CCDC40: variants seen among roughly 807,000 people sequenced by gnomAD.
The protein encoded by CCDC40 is coiled-coil domain 40 molecular ruler complex subunit.
Under a neutral mutation model 124.5 loss-of-function variants are expected in CCDC40, and 104 were observed. The observed-to-expected ratio is 0.84, with a 90% CI of 0.71 to 0.98. CCDC40 has a LOEUF of 0.98. CCDC40 is among the 50% of genes least tolerant of loss of function. The probability of loss-of-function intolerance (pLI) is 0.00; values close to 1 mark genes in which losing one functional copy is unlikely to be tolerated. For missense variants in CCDC40, 1,463 were observed against 1,503.9 expected, an observed-to-expected ratio of 0.97 and a Z score of 0.45; for synonymous variants, 580 against 602.9, an observed-to-expected ratio of 0.96 and a Z score of 0.56.
intron 10 of CCDC40, among the ~76,000 whole-genome samples, chr17:80,078,872 G>T (rs867888997): frequency 4.6e-5 from 7 of 151,760 alleles, no homozygotes; most frequent in Admixed American, 6.6e-5. Context: ...GAGAATTGAG[G>T]CCTTAATAAT....
At chr17:80,084,224 C>G (rs898237619) in intron 12 of CCDC40, among the ~76,000 whole-genome samples, 1 of 152,170 alleles carries the variant, frequency 6.6e-6, no homozygotes, top group Non-Finnish European at 1.5e-5. Context: ...ACTGACAGTT[C>G]TGCATGGCTG....
In CCDC40 at chr17:80,100,055, C is replaced by A; in HGVS notation, c.*280C>A. On this transcript the variant is annotated 3_prime_UTR_variant, in exon 20 of 20. Transcript: ENST00000397545. ...CCCACACTCCCACACTGGGCTTACTCGTCCAGGTAACACTTTGGTTTGCAG... is the reference window on the plus strand; with the variant it reads ...CCCACACTCCCACACTGGGCTTACTAGTCCAGGTAACACTTTGGTTTGCAG... 1 of 477,758 alleles carries A rather than the reference C, an allele frequency of 2.1e-6. No individual in the cohort carries two copies. Among genetic ancestry groups the A allele is most frequent in the Non-Finnish European group, 3.8e-6 (1 of 260,388 alleles). The allele number at this position is 477,758 out of a possible 1,614,324, so 29.6% of individuals were successfully genotyped here. A position where few individuals can be genotyped will look rare whatever the true frequency, so the allele number is the denominator to read the frequency against.
At chr17:80,075,387 C>G (rs938522097) in intron 10 of CCDC40, among the ~76,000 whole-genome samples, 4 of 151,866 alleles carry the variant, frequency 2.6e-5, no homozygotes, top group African/African-American at 9.7e-5. Flanking sequence ...AAGCAATTCT[C>G]CTGCCTTAGT....
intron 10 of CCDC40, among the ~76,000 whole-genome samples, chr17:80,076,419 C>G (rs139304317): frequency 3.4e-3 from 511 of 152,018 alleles, no homozygotes; most frequent in African/African-American, 0.012. Context: ...ACAAAAAATA[C>G]AAAAATTAGC....
chr17:80,051,142 T>C (rs2037576996), intron 7 of CCDC40, among the ~76,000 whole-genome samples: 1 of 152,234 alleles, frequency 6.6e-6, no homozygotes, highest in African/African-American at 2.4e-5. Context: ...TTTCAGTCTT[T>C]ATGCTTTTTG....
chr17:80,074,297 T>C (rs1598523207), intron 10 of CCDC40, among the ~76,000 whole-genome samples: 1 of 152,006 alleles, frequency 6.6e-6, no homozygotes, highest in Admixed American at 6.6e-5. Context: ...GATCACGAGG[T>C]CAGGAGATCA....
intron 10 of CCDC40, among the ~76,000 whole-genome samples, chr17:80,070,082 C>G (rs1213429744): frequency 6.6e-6 from 1 of 152,248 alleles, no homozygotes. Flanking sequence ...AAAGGGGACA[C>G]TGTCCTTGCC....
At chr17:80,047,841 C>T (rs577794646) in intron 4 of CCDC40, among the ~76,000 whole-genome samples, 5 of 152,322 alleles carry the variant, frequency 3.3e-5, no homozygotes, top group Admixed American at 3.3e-4. Flanking sequence ...TGTCTTCTTA[C>T]GTAGTCCCAG....
intron 16 of CCDC40, 129 bp downstream of exon 16, chr17:80,088,231 T>G: frequency 1.4e-6 from 1 of 729,538 alleles, no homozygotes; most frequent in Non-Finnish European, 2.5e-6. Context: ...TTGGTCATTT[T>G]TTGTTGTTGT....
chr17:80,038,963 C>T (rs1291875307), intron 2 of CCDC40, among the ~76,000 whole-genome samples: 3 of 152,222 alleles, frequency 2.0e-5, no homozygotes, highest in African/African-American at 7.2e-5. Flanking sequence ...CTTCCTACCC[C>T]ATTCTACAGT....
intron 18 of CCDC40, 121 bp downstream of exon 18, chr17:80,095,572 T>G: frequency 1.1e-6 from 1 of 895,078 alleles, no homozygotes; most frequent in Non-Finnish European, 1.8e-6. Flanking sequence ...GGGGGCGTGC[T>G]CAGCACTGCT....
At position 80,100,377 on chromosome 17, in the gene CCDC40, G is replaced by GT. The variant is rs2038899854; in HGVS notation, c.*603dup. On this transcript the variant is annotated 3_prime_UTR_variant, in exon 20 of 20. Coordinates refer to ENST00000397545, the MANE Select transcript of CCDC40 (RefSeq NM_017950.4). ...AGAAAGTCAGTGGCCCCAGACACACGTAACAGGGTGAGCACTGAAATAAGA... is the reference window on the plus strand; with the variant it reads ...AGAAAGTCAGTGGCCCCAGACACACGTTAACAGGGTGAGCACTGAAATAAGA... 1 of 163,436 alleles carries GT rather than the reference G, an allele frequency of 6.1e-6. No individual in the cohort carries two copies. Among genetic ancestry groups the GT allele is most frequent in the Non-Finnish European group, 1.3e-5 (1 of 74,112 alleles). The allele number at this position is 163,436 out of a possible 1,614,324, so 10.1% of individuals were successfully genotyped here. A position where few individuals can be genotyped will look rare whatever the true frequency, so the allele number is the denominator to read the frequency against.
chr17:80,076,626 C>A (rs978817469), intron 10 of CCDC40, among the ~76,000 whole-genome samples: 2 of 151,518 alleles, frequency 1.3e-5, no homozygotes, highest in Non-Finnish European at 2.9e-5. Context: ...CTTCAGCAAC[C>A]ACCACCCTCA....
Position 80,066,350 on chromosome 17 carries a change from A to G in CCDC40, c.1562+744A>G. On this transcript the variant is annotated intron_variant, in intron 10 of 19. Transcript: ENST00000397545. This position sits in a 1 kb window ranked among gnomAD's most constrained non-coding sequence, Gnocchi z 4.4. ...CCAGGCAGCCAGCAGCAGTCACACA[A>G]CCAGGAGATGCTTTTCCTTTTGGGT... 2 of 582,692 alleles carry G rather than the reference A, an allele frequency of 3.4e-6. No individual in the cohort carries two copies. The highest frequency in any genetic ancestry group is 3.1e-6 in the Non-Finnish European group (1 of 325,644). The allele number at this position is 582,692 out of a possible 1,614,324, so 36.1% of individuals were successfully genotyped here. A position where few individuals can be genotyped will look rare whatever the true frequency, so the allele number is the denominator to read the frequency against.
Position 80,087,942 on chromosome 17 carries a change from G to A in CCDC40, c.2620-69G>A, listed in dbSNP as rs993825125. On this transcript the variant is annotated intron_variant, in intron 15 of 19. Coordinates refer to ENST00000397545, the MANE Select transcript of CCDC40 (RefSeq NM_017950.4). This position sits in a 1 kb window ranked among gnomAD's most constrained non-coding sequence, Gnocchi z 4.5. ...GCCCTGCCCTCGGTGCCGGGATAGA[G>A]GGCACCAGCCCCGGCATCCACAATC... 31 of 1,347,240 alleles carry A rather than the reference G, an allele frequency of 2.3e-5. No homozygotes were observed. The Admixed American group carries it at 5.0e-4, about 22-fold the overall frequency. The allele number at this position is 1,347,240 out of a possible 1,614,324, so 83.5% of individuals were successfully genotyped here.
intron 1 of CCDC40, among the ~76,000 whole-genome samples, chr17:80,037,704 TATATATATATATATATTC>T (rs2037150974): frequency 7.3e-6 from 1 of 136,422 alleles, no homozygotes; most frequent in Non-Finnish European, 1.6e-5. Flanking sequence ...TACATATATA[TATATATATATATATATTC>T]CTGTGCTACG....
At chr17:80,064,726 C>A (rs576312239) in intron 9 of CCDC40, among the ~76,000 whole-genome samples, 22 of 149,228 alleles carry the variant, frequency 1.5e-4, no homozygotes, top group Admixed American at 6.2e-4. Context: ...CCCCTCACTG[C>A]CCCCCACGAT....
chr17:80,072,429 AG>A (rs2038215718), intron 10 of CCDC40, among the ~76,000 whole-genome samples: 1 of 152,138 alleles, frequency 6.6e-6, no homozygotes, highest in Admixed American at 6.6e-5. Flanking sequence ...GAGTGTTAGG[AG>A]TTCTGTTGCA....
intron 7 of CCDC40, among the ~76,000 whole-genome samples, chr17:80,057,098 G>A (rs117496094): frequency 0.018 from 2,790 of 151,640 alleles, 38 homozygotes; most frequent in Non-Finnish European, 0.024. Flanking sequence ...AATTACTTTG[G>A]AATTTAGCTA....
Sources: allele counts gnomAD v4.1 joint callset (sites outside exome capture counted in the v4.1 genomes callset), GRCh38; gene constraint gnomAD v4.1.1; non-coding constraint Gnocchi (gnomAD v3.1); transcripts MANE v1.5; gene names NCBI Gene and HGNC (gene_info 2026-07-23, HGNC 2026-07-21).